The following SLC4A5 variants were observed in gnomAD, a reference collection of about 807,000 sequenced individuals.
SLC4A5 encodes the protein electrogenic sodium bicarbonate cotransporter 4.
SLC4A5 carries 96 observed loss-of-function variants against 120.4 expected under a neutral mutation model. That is an observed-to-expected ratio of 0.80 (90% CI 0.68 to 0.94). The LOEUF (loss-of-function observed/expected upper bound fraction) is 0.94, where lower values mean the gene tolerates loss of function less well. SLC4A5 is among the 40% of genes least tolerant of loss of function. The probability of loss-of-function intolerance (pLI) is 0.00; values close to 1 mark genes in which losing one functional copy is unlikely to be tolerated. For missense variants in SLC4A5, 1,259 were observed against 1,459.5 expected (o/e 0.86, Z 2.24); for synonymous variants, 550 against 571.1 (o/e 0.96, Z 0.53).
At chr2:74,307,752 G>T (rs1418648028) in intron 6 of SLC4A5, 7 of 673,808 alleles carry the variant, frequency 1.0e-5, no homozygotes, top group Non-Finnish European at 1.8e-5. Context: ...GGTCGTTCAG[G>T]CTTTGCATGA....
At chr2:74,246,061 A>C (rs2103968417) in intron 19 of SLC4A5, among the ~76,000 whole-genome samples, 1 of 152,284 alleles carries the variant, frequency 6.6e-6, no homozygotes, top group Non-Finnish European at 1.5e-5. Flanking sequence ...CCTGCTCTGC[A>C]GCACCCTGGG....
chr2:74,248,618 T>C, intron 17 of SLC4A5, 132 bp from the exon 18 acceptor site: 3 of 1,060,718 alleles, frequency 2.8e-6, no homozygotes, highest in Non-Finnish European at 4.0e-6. Context: ...CTTTCCTCCC[T>C]AAATCCTGTT....
chr2:74,312,202 T>C (rs940878179), intron 6 of SLC4A5, among the ~76,000 whole-genome samples: 2 of 152,102 alleles, frequency 1.3e-5, no homozygotes, highest in Non-Finnish European at 2.9e-5. Context: ...TGTATCTATA[T>C]CTATACCTAT....
chr2:74,227,124 C>G (rs755333838), exon 27 of SLC4A5: 1 of 1,610,834 alleles, frequency 6.2e-7, no homozygotes, highest in African/African-American at 1.3e-5. Flanking sequence ...TTGCAGCGTT[C>G]CCAGAACTAG....
At chr2:74,243,098 T>C (rs1219572923) in intron 19 of SLC4A5, among the ~76,000 whole-genome samples, 1 of 152,234 alleles carries the variant, frequency 6.6e-6, no homozygotes, top group Non-Finnish European at 1.5e-5. Flanking sequence ...GGTGCTGCTC[T>C]CAGCGGCTCT....
chr2:74,260,148 C>T (rs958418495), intron 11 of SLC4A5, among the ~76,000 whole-genome samples: 6 of 152,150 alleles, frequency 3.9e-5, no homozygotes, highest in Non-Finnish European at 5.9e-5. Context: ...ACAGTGATAG[C>T]CAATTATTTG....
At chr2:74,295,078 G>A (rs1162943553) in intron 7 of SLC4A5, among the ~76,000 whole-genome samples, 1 of 152,150 alleles carries the variant, frequency 6.6e-6, no homozygotes, top group African/African-American at 2.4e-5. Context: ...CTGAGCTAAG[G>A]TGAGAGAGAC....
intron 10 of SLC4A5, among the ~76,000 whole-genome samples, chr2:74,263,713 T>C (rs1393051532): frequency 6.6e-6 from 1 of 152,180 alleles, no homozygotes; most frequent in African/African-American, 2.4e-5. Context: ...TCTAGGGGGT[T>C]TGATGTGAAA....
chr2:74,268,478 T>G (rs1309897354), intron 8 of SLC4A5, among the ~76,000 whole-genome samples: 1 of 152,266 alleles, frequency 6.6e-6, no homozygotes, highest in Non-Finnish European at 1.5e-5. Context: ...AGTATTCCAC[T>G]GTCTGAATGT....
intron 29 of SLC4A5, 131 bp downstream of exon 29, chr2:74,222,737 C>T: frequency 1.2e-6 from 1 of 807,092 alleles, no homozygotes; most frequent in East Asian, 2.5e-5. Flanking sequence ...TCCCTTATGA[C>T]AAAAAAGTTG....
chr2:74,233,448 T>C, exon 23 of SLC4A5: 2 of 1,614,250 alleles, frequency 1.2e-6, no homozygotes, highest in Non-Finnish European at 1.7e-6. Flanking sequence ...AGTGATCTGC[T>C]GGTCCATGAA....
intron 11 of SLC4A5, among the ~76,000 whole-genome samples, chr2:74,261,354 TCAGGAC>T (rs2104030499): frequency 6.6e-6 from 1 of 152,282 alleles, no homozygotes; most frequent in South Asian, 2.1e-4. Flanking sequence ...ACTTGGGTCA[TCAGGAC>T]AGAGAGAGAA....
chr2:74,288,232 G>T (rs1267330889), intron 7 of SLC4A5, among the ~76,000 whole-genome samples: 2 of 152,104 alleles, frequency 1.3e-5, no homozygotes, highest in Middle Eastern at 3.2e-3. Flanking sequence ...AACAATCCAT[G>T]AGAGTTGATG....
At chr2:74,328,807 G>A (rs1466742700) in intron 4 of SLC4A5, among the ~76,000 whole-genome samples, 2 of 152,234 alleles carry the variant, frequency 1.3e-5, no homozygotes, top group Non-Finnish European at 2.9e-5. Context: ...TAAATGTTCA[G>A]CTGTCAGATT....
intron 8 of SLC4A5, among the ~76,000 whole-genome samples, chr2:74,278,876 T>C (rs1053263934): frequency 1.3e-5 from 2 of 152,350 alleles, no homozygotes; most frequent in African/African-American, 4.8e-5. Context: ...CGATGGCTGC[T>C]AGCCTGCAGC....
intron 4 of SLC4A5, among the ~76,000 whole-genome samples, chr2:74,329,314 G>C (rs951411101): frequency 2.6e-5 from 4 of 152,044 alleles, no homozygotes; most frequent in Non-Finnish European, 5.9e-5. Flanking sequence ...AATTGGCCGG[G>C]TGTGGTGGCT....
At chr2:74,343,089 C>T (rs1453870747) in intron 1 of SLC4A5, among the ~76,000 whole-genome samples, 1 of 152,190 alleles carries the variant, frequency 6.6e-6, no homozygotes, top group Non-Finnish European at 1.5e-5. Flanking sequence ...AGAACAAAAT[C>T]GCAACACTAC....
chr2:74,340,274 T>G (rs551914195), intron 2 of SLC4A5, among the ~76,000 whole-genome samples: 26 of 152,352 alleles, frequency 1.7e-4, no homozygotes, highest in African/African-American at 6.3e-4. Flanking sequence ...CTATGTTAAA[T>G]GTAGATTAAT....
intron 21 of SLC4A5, among the ~76,000 whole-genome samples, chr2:74,238,209 TA>T (rs1670331929): frequency 1.3e-5 from 2 of 151,978 alleles, no homozygotes; most frequent in Admixed American, 1.3e-4. Context: ...GTTCAAGACT[TA>T]AAGATCAAAA....
Sources: gnomAD v4.1 joint callset for allele counts (sites outside exome capture counted in the v4.1 genomes callset) on GRCh38, gnomAD v4.1.1 for gene constraint, MANE v1.5 for transcripts, NCBI Gene and HGNC (gene_info 2026-07-23, HGNC 2026-07-21) for gene names.